The following PLA2G4A variants were observed in gnomAD, a reference collection of about 807,000 sequenced individuals.
PLA2G4A encodes cytosolic phospholipase A2.
In PLA2G4A, 40 loss-of-function variants were observed where a neutral mutation model predicts 81.9. The ratio of observed to expected loss-of-function variants is 0.49; its 90% CI spans 0.38 to 0.64. The LOEUF (loss-of-function observed/expected upper bound fraction) is 0.64. Among genes scored for constraint, PLA2G4A ranks in the 30% least tolerant of loss-of-function variants. The probability of loss-of-function intolerance (pLI) is 0.00; values close to 1 mark genes in which losing one functional copy is unlikely to be tolerated. For missense variants in PLA2G4A, 715 were observed against 905.1 expected (o/e 0.79, Z 2.69); for synonymous variants, 302 against 296.9 (o/e 1.02, Z -0.18).
At chr1:186,881,250 T>G (rs1304801380) in intron 3 of PLA2G4A, among the ~76,000 whole-genome samples, 1 of 152,044 alleles carries the variant, frequency 6.6e-6, no homozygotes, top group African/African-American at 2.4e-5. Flanking sequence ...GGAAATGAAA[T>G]GTACAGCTTA....
At chr1:186,975,715 C>T (rs775888471) in intron 15 of PLA2G4A, among the ~76,000 whole-genome samples, 1 of 152,142 alleles carries the variant, frequency 6.6e-6, no homozygotes, top group African/African-American at 2.4e-5. Flanking sequence ...ATTATCTCTG[C>T]GTTGCCTGTA....
chr1:186,853,621 A>T (rs577097412), intron 1 of PLA2G4A, among the ~76,000 whole-genome samples: 1 of 151,906 alleles, frequency 6.6e-6, no homozygotes, highest in Non-Finnish European at 1.5e-5. Context: ...AATCTCAAGG[A>T]CTTGGTATAA....
At chr1:186,961,805 A>G (rs1329383296) in intron 14 of PLA2G4A, among the ~76,000 whole-genome samples, 1 of 152,218 alleles carries the variant, frequency 6.6e-6, no homozygotes, top group Non-Finnish European at 1.5e-5. Context: ...TAGATTAGGG[A>G]AAATCACTGC....
intron 1 of PLA2G4A, among the ~76,000 whole-genome samples, chr1:186,851,621 G>A (rs1470776505): frequency 1.3e-5 from 2 of 151,902 alleles, no homozygotes; most frequent in Non-Finnish European, 2.9e-5. Context: ...AAATAGCACA[G>A]AAAATGCTGA....
chr1:186,964,776 C>T (rs1657076060), intron 14 of PLA2G4A, among the ~76,000 whole-genome samples: 1 of 152,160 alleles, frequency 6.6e-6, no homozygotes, highest in Admixed American at 6.5e-5. Context: ...CAGAGCAGAG[C>T]ATGTATCTAT....
intron 3 of PLA2G4A, among the ~76,000 whole-genome samples, chr1:186,887,665 A>G (rs1016762278): frequency 1.3e-5 from 2 of 152,170 alleles, no homozygotes; most frequent in African/African-American, 4.8e-5. Context: ...CAATTGCCCT[A>G]TAGGTGTTAA....
chr1:186,912,718 ATATT>A (rs201449031), intron 7 of PLA2G4A, among the ~76,000 whole-genome samples: 282 of 142,294 alleles, frequency 2.0e-3, no homozygotes, highest in African/African-American at 7.4e-3. Context: ...ATATATATGT[ATATT>A]TATATATACA....
At chr1:186,838,505 T>C (rs1651869046) in intron 1 of PLA2G4A, among the ~76,000 whole-genome samples, 1 of 152,194 alleles carries the variant, frequency 6.6e-6, no homozygotes, top group Non-Finnish European at 1.5e-5. Context: ...CCAGCTCTAG[T>C]AGGTGGGAAT....
At chr1:186,890,556 A>G (rs1654097563) in intron 3 of PLA2G4A, among the ~76,000 whole-genome samples, 1 of 152,160 alleles carries the variant, frequency 6.6e-6, no homozygotes, top group Non-Finnish European at 1.5e-5. Flanking sequence ...TTTATGTGAA[A>G]TAGAAAAAAC....
intron 1 of PLA2G4A, 75 bp downstream of exon 1, chr1:186,829,110 TA>T (rs1209704151): frequency 6.6e-6 from 1 of 152,258 alleles, no homozygotes; most frequent in Admixed American, 6.5e-5. Flanking sequence ...CCTTAGCTTT[TA>T]CTTGGTAGTT....
rs754317279 is a variant in PLA2G4A at position 186,873,016 on chromosome 1, T to TTG, written c.115+2511_115+2512dup. 1.3e-3 allele frequency among the ~76,000 whole-genome samples: 200 copies of TTG among 152,068 alleles called. 2 individuals are homozygous for TTG. The highest frequency in any genetic ancestry group is 1.5e-3 in the Non-Finnish European group (102 of 67,934). ...TGGATTTTTTTTTGAATTGTTACTT[T>TTG]TGTGTGTGTGTGGGGAGGGAGTTGT... On this transcript the variant is annotated intron_variant, in intron 3 of 17. Transcript: ENST00000367466.
intron 2 of PLA2G4A, among the ~76,000 whole-genome samples, chr1:186,858,449 G>A (rs539515555): frequency 6.8e-4 from 103 of 151,188 alleles, no homozygotes; most frequent in Non-Finnish European, 1.4e-3. Context: ...CTTTTTGATA[G>A]GGTTGTTTTT....
chr1:186,856,341 T>G (rs1385812577), intron 2 of PLA2G4A, among the ~76,000 whole-genome samples: 3 of 151,654 alleles, frequency 2.0e-5, no homozygotes, highest in African/African-American at 7.3e-5. Context: ...TATTTGATGT[T>G]TTAATGTAAT....
intron 10 of PLA2G4A, among the ~76,000 whole-genome samples, chr1:186,942,382 C>T (rs1046265760): frequency 1.3e-5 from 2 of 152,078 alleles, no homozygotes; most frequent in African/African-American, 4.8e-5. Context: ...GTCAAAAGAA[C>T]ACTACATTCT....
At chr1:186,865,845 C>T (rs1290766473) in intron 2 of PLA2G4A, among the ~76,000 whole-genome samples, 1 of 152,104 alleles carries the variant, frequency 6.6e-6, no homozygotes, top group African/African-American at 2.4e-5. Context: ...GAATTTAATA[C>T]AGTAGCTGTT....
intron 14 of PLA2G4A, among the ~76,000 whole-genome samples, chr1:186,961,051 T>C (rs1656924453): frequency 6.6e-6 from 1 of 152,264 alleles, no homozygotes; most frequent in Non-Finnish European, 1.5e-5. Flanking sequence ...GCAACATGGG[T>C]GAACTTAGTG....
chr1:186,963,467 G>A (rs189368976), intron 14 of PLA2G4A, among the ~76,000 whole-genome samples: 89 of 152,206 alleles, frequency 5.8e-4, no homozygotes, highest in Non-Finnish European at 7.9e-4. Flanking sequence ...ACTATTTCTC[G>A]TCTCTCTCCT....
At chr1:186,940,236 A>G (rs1023629053) in intron 10 of PLA2G4A, 142 bp downstream of exon 10, 50 of 665,678 alleles carry the variant, frequency 7.5e-5, no homozygotes, top group Admixed American at 2.0e-4. Flanking sequence ...AAGATATAAG[A>G]AAATATTAAG....
At chr1:186,893,843 G>C (rs1466867613) in intron 4 of PLA2G4A, among the ~76,000 whole-genome samples, 1 of 148,864 alleles carries the variant, frequency 6.7e-6, no homozygotes, top group Non-Finnish European at 1.5e-5. Context: ...AGATTCGCTT[G>C]AATCTGGGAG....
Sources: gnomAD v4.1 joint callset for allele counts (sites outside exome capture counted in the v4.1 genomes callset) on GRCh38, gnomAD v4.1.1 for gene constraint, MANE v1.5 for transcripts, NCBI Gene and HGNC (gene_info 2026-07-23, HGNC 2026-07-21) for gene names.